PCDHA11: variants seen among roughly 807,000 people sequenced by gnomAD.
PCDHA11 encodes protocadherin alpha 11, also known as protocadherin alpha-11.
Under a neutral mutation model 70.3 loss-of-function variants are expected in PCDHA11, and 61 were observed. That is an observed-to-expected ratio of 0.87 (90% CI 0.71 to 1.07). The LOEUF (loss-of-function observed/expected upper bound fraction) is 1.07, where lower values mean the gene tolerates loss of function less well. Among genes scored for constraint, PCDHA11 ranks in the 50% least tolerant of loss-of-function variants. The pLI, the probability that PCDHA11 is intolerant of heterozygous loss-of-function variation, is 0.00. For synonymous variants in PCDHA11, 633 were observed against 555.1 expected (o/e 1.14, Z -1.97); for missense variants, 1,324 against 1,237.5 (o/e 1.07, Z -1.05).
intron 1 of PCDHA11, among the ~76,000 whole-genome samples, chr5:140,900,569 A>G (rs1166977648): frequency 2.6e-5 from 4 of 152,182 alleles, no homozygotes; most frequent in African/African-American, 9.7e-5. Context: ...GAGCCACGGC[A>G]CCGGCCCATT....
At chr5:140,909,082 G>T (rs1190064294) in intron 1 of PCDHA11, among the ~76,000 whole-genome samples, 2 of 152,184 alleles carry the variant, frequency 1.3e-5, no homozygotes, top group Non-Finnish European at 2.9e-5. Context: ...CAGTGTGTTT[G>T]CTACTTCTCA....
chr5:140,979,241 G>A (rs766062040), intron 2 of PCDHA11, among the ~76,000 whole-genome samples: 4 of 152,150 alleles, frequency 2.6e-5, no homozygotes, highest in Non-Finnish European at 5.9e-5. Context: ...CACAGAAACA[G>A]GCTGCTATGT....
At chr5:140,952,750 A>T (rs1240610789) in intron 1 of PCDHA11, among the ~76,000 whole-genome samples, 2 of 152,326 alleles carry the variant, frequency 1.3e-5, no homozygotes, top group Non-Finnish European at 2.9e-5. Context: ...CTGCTATAAA[A>T]ACACCTGAGA....
At chr5:140,875,723 T>G in intron 1 of PCDHA11, 1 of 1,614,194 alleles carries the variant, frequency 6.2e-7, no homozygotes, top group South Asian at 1.1e-5. Context: ...AATGGCATTT[T>G]GTTTGTGAAT....
At chr5:140,966,448 C>T (rs1198594007) in intron 1 of PCDHA11, 2 of 425,466 alleles carry the variant, frequency 4.7e-6, no homozygotes, top group Non-Finnish European at 8.2e-6. Context: ...TCCCTTTCCC[C>T]CTCCCCCTCT....
intron 1 of PCDHA11, chr5:140,884,652 G>A (rs2060303446): frequency 6.2e-7 from 1 of 1,603,582 alleles, no homozygotes; most frequent in Non-Finnish European, 8.5e-7. Flanking sequence ...GACTCAGAAT[G>A]CTTGAAAGAG....
rs1554262529 is a variant in PCDHA11 at position 141,009,890 on chromosome 5, G to A, written c.2803G>A (p.Glu935Lys). 8.1e-6 allele frequency: 13 copies of A among 1,612,626 alleles called. No homozygotes were observed. Among genetic ancestry groups the A allele is most frequent in the Non-Finnish European group, 1.1e-5 (13 of 1,179,746 alleles). ...AAAGAAGAAGGGTAACAAGACCCAG[G>A]AGAAAAAAGAGAAAGGGAACAGCAC... Reference protein sequence around the residue: ...KKKKKGNKTQEKKEKGNSTTD... With the variant: ...KKKKKGNKTQKKKEKGNSTTD... The change falls in exon 4 of 4, where the codon GAG becomes AAG. Residue 935 changes from glutamate to lysine, a missense_variant. Glu to Lys is a moderately conservative substitution (Grantham distance 56). Coordinates refer to ENST00000398640, the MANE Select transcript of PCDHA11 (RefSeq NM_018902.5).
At chr5:140,958,241 AT>A (rs2095415572) in intron 1 of PCDHA11, among the ~76,000 whole-genome samples, 1 of 152,118 alleles carries the variant, frequency 6.6e-6, no homozygotes, top group Non-Finnish European at 1.5e-5. Flanking sequence ...GTTTTTAACA[AT>A]TCTGAACAAA....
intron 3 of PCDHA11, among the ~76,000 whole-genome samples, chr5:140,993,766 C>T (rs567978996): frequency 9.2e-5 from 14 of 152,082 alleles, no homozygotes; most frequent in African/African-American, 1.7e-4. Context: ...ATTACAATTG[C>T]GCAGTATTTT....
chr5:140,922,358 A>T (rs1273986507), intron 1 of PCDHA11, among the ~76,000 whole-genome samples: 2 of 152,212 alleles, frequency 1.3e-5, no homozygotes, highest in African/African-American at 4.8e-5. Flanking sequence ...TAGAGTAGTG[A>T]TTCTCACTGA....
chr5:140,887,801 G>T (rs1377550372), intron 1 of PCDHA11, among the ~76,000 whole-genome samples: 1 of 151,856 alleles, frequency 6.6e-6, no homozygotes, highest in Non-Finnish European at 1.5e-5. Context: ...CTTTATTTTT[G>T]TCCATTTCTT....
intron 1 of PCDHA11, among the ~76,000 whole-genome samples, chr5:140,957,407 ATTG>A (rs2095357259): frequency 6.6e-6 from 1 of 152,156 alleles, no homozygotes; most frequent in Non-Finnish European, 1.5e-5. Context: ...ATTTATTATT[ATTG>A]TTGTTAATCT....
chr5:140,894,375 T>A (rs1246573357), intron 1 of PCDHA11, among the ~76,000 whole-genome samples: 1 of 152,054 alleles, frequency 6.6e-6, no homozygotes, highest in African/African-American at 2.4e-5. Flanking sequence ...ATGGCTCCAA[T>A]TATATTTGTA....
At chr5:140,931,602 T>C (rs1192023680) in intron 1 of PCDHA11, among the ~76,000 whole-genome samples, 12 of 152,084 alleles carry the variant, frequency 7.9e-5, no homozygotes, top group Non-Finnish European at 1.2e-4. Flanking sequence ...TTTTCCATCA[T>C]TGTTGATATT....
At chr5:140,885,543 G>A (rs1554182177) in intron 1 of PCDHA11, among the ~76,000 whole-genome samples, 2 of 152,092 alleles carry the variant, frequency 1.3e-5, no homozygotes, top group Non-Finnish European at 2.9e-5. Flanking sequence ...CAAAATATTG[G>A]TGTTATTTCT....
At chr5:140,885,270 A>G (rs251381) in intron 1 of PCDHA11, among the ~76,000 whole-genome samples, 102,023 of 151,894 alleles carry the variant, frequency 0.67, 34,437 homozygotes, top group Middle Eastern at 0.71. Flanking sequence ...ACTCATACAT[A>G]TATATATACA....
chr5:140,983,387 G>T (rs1417783796), intron 3 of PCDHA11, among the ~76,000 whole-genome samples: 1 of 152,188 alleles, frequency 6.6e-6, no homozygotes, highest in Non-Finnish European at 1.5e-5. Flanking sequence ...CGCTGTGGCA[G>T]TTTTCAGAAA....
intron 1 of PCDHA11, among the ~76,000 whole-genome samples, chr5:140,907,353 A>C (rs1312030991): frequency 3.3e-5 from 5 of 152,234 alleles, no homozygotes; most frequent in Non-Finnish European, 7.3e-5. Flanking sequence ...CCGCTGCTGC[A>C]CTTCTTTAGT....
At chr5:140,932,633 A>T (rs1192123242) in intron 1 of PCDHA11, among the ~76,000 whole-genome samples, 1 of 151,912 alleles carries the variant, frequency 6.6e-6, no homozygotes, top group African/African-American at 2.4e-5. Flanking sequence ...ACACTAAAAA[A>T]CTTTAGAATG....
Sources: allele counts gnomAD v4.1 joint callset (sites outside exome capture counted in the v4.1 genomes callset), GRCh38; gene constraint gnomAD v4.1.1; transcripts MANE v1.5; gene names NCBI Gene and HGNC (gene_info 2026-07-23, HGNC 2026-07-21).